Variants in KREMEN1 observed in about 807,000 individuals in gnomAD.
KREMEN1 encodes the protein kringle containing transmembrane protein 1, also known as kremen protein 1.
In KREMEN1, 30 loss-of-function variants were observed where a neutral mutation model predicts 46.5. The observed-to-expected ratio is 0.65, with a 90% CI of 0.48 to 0.88. The LOEUF (loss-of-function observed/expected upper bound fraction) is 0.88. Ranked by LOEUF, KREMEN1 falls within the 40% of genes least tolerant of loss-of-function variation. KREMEN1 has a pLI of 0.00. For synonymous variants in KREMEN1, 214 were observed against 230.6 expected, an observed-to-expected ratio of 0.93 and a Z score of 0.65; for missense variants, 533 against 596.9, an observed-to-expected ratio of 0.89 and a Z score of 1.11.
intron 4 of KREMEN1, among the ~76,000 whole-genome samples, chr22:29,124,588 G>C (rs111842100): frequency 3.3e-5 from 5 of 152,074 alleles, no homozygotes; most frequent in African/African-American, 1.2e-4. Context: ...CACCTCCAGG[G>C]TTCAAGCAAA....
chr22:29,131,554 ATATATATGTGTGTGTG>A (rs1569331118), intron 5 of KREMEN1, among the ~76,000 whole-genome samples: 1 of 73,238 alleles, frequency 1.4e-5, no homozygotes, highest in Non-Finnish European at 2.5e-5. Context: ...ATATATATAT[ATATATATGTGTGTGTG>A]TGTGTGTGTG....
chr22:29,160,068 G>T (rs966345601), intron 9 of KREMEN1, among the ~76,000 whole-genome samples: 1 of 151,978 alleles, frequency 6.6e-6, no homozygotes, highest in Admixed American at 6.6e-5. Context: ...GACATCTATG[G>T]AAAACTCCAC....
intron 3 of KREMEN1, among the ~76,000 whole-genome samples, chr22:29,104,525 A>G (rs1207305844): frequency 6.6e-6 from 1 of 152,222 alleles, no homozygotes; most frequent in African/African-American, 2.4e-5. Context: ...TTAAAGTTTT[A>G]GTTATTAAAC....
At position 29,145,728 on chromosome 22, in the gene KREMEN1, G is replaced by C. The variant is rs1388459703; in HGVS notation, c.*3616G>C. Reference sequence around the variant, plus strand: ...CCGCCCTGTCCCCCACGTCAGGACAGGCTTGAGGCCTCTCTGGGCGTGAGC... The same window carrying C: ...CCGCCCTGTCCCCCACGTCAGGACACGCTTGAGGCCTCTCTGGGCGTGAGC... On this transcript the variant is annotated 3_prime_UTR_variant, in exon 9 of 9. Transcript: ENST00000400335. 8.1e-6 allele frequency: 8 copies of C among 985,428 alleles called. No individual in the cohort carries two copies. The highest frequency in any genetic ancestry group is 9.6e-6 in the Non-Finnish European group (8 of 829,996). 61.0% of individuals were successfully genotyped at this position (985,428 alleles called of 1,614,324 possible). A position where few individuals can be genotyped will look rare whatever the true frequency, so the allele number is the denominator to read the frequency against.
chr22:29,124,855 G>A (rs1047458744), intron 4 of KREMEN1, among the ~76,000 whole-genome samples: 3 of 152,116 alleles, frequency 2.0e-5, no homozygotes, highest in African/African-American at 7.2e-5. Flanking sequence ...ATACTATATA[G>A]CAATGTAAAA....
chr22:29,102,877 GA>G (rs1434036122), intron 3 of KREMEN1, among the ~76,000 whole-genome samples: 1 of 152,156 alleles, frequency 6.6e-6, no homozygotes, highest in Non-Finnish European at 1.5e-5. Flanking sequence ...GGTTTCTGGG[GA>G]TAGAGGGTGG....
At chr22:29,086,406 CCT>C (rs2037729158) in intron 1 of KREMEN1, among the ~76,000 whole-genome samples, 3 of 152,128 alleles carry the variant, frequency 2.0e-5, no homozygotes, top group Admixed American at 1.3e-4. Flanking sequence ...CCTAAACTGT[CCT>C]CTCTCTATTC....
chr22:29,094,257 G>A lies in KREMEN1; in HGVS notation c.98-1G>A. On this transcript the variant is annotated splice_acceptor_variant, in intron 1 of 8. Transcript: ENST00000400335. LOFTEE classifies it high-confidence loss of function. ...TTTGCTCTGTCTTTTTTTTCTTCTAGAGTGTTTCACAGCCAATGGTGCGGA... is the reference window on the plus strand; with the variant it reads ...TTTGCTCTGTCTTTTTTTTCTTCTAAAGTGTTTCACAGCCAATGGTGCGGA... The A allele has an allele frequency of 6.3e-7, 1 of 1,596,492 alleles. No homozygotes were observed. Among genetic ancestry groups the A allele is most frequent in the Non-Finnish European group, 8.5e-7 (1 of 1,174,232 alleles).
intron 9 of KREMEN1, among the ~76,000 whole-genome samples, chr22:29,157,332 G>T (rs968444617): frequency 2.0e-5 from 3 of 152,102 alleles, no homozygotes; most frequent in Non-Finnish European, 2.9e-5. Flanking sequence ...GCCCCACCAT[G>T]ACTTTGTTTT....
chr22:29,097,361 G>A (rs2037897908), intron 2 of KREMEN1, among the ~76,000 whole-genome samples: 1 of 152,194 alleles, frequency 6.6e-6, no homozygotes, highest in Non-Finnish European at 1.5e-5. Context: ...AGACCTTAAA[G>A]CATGTATTTA....
chr22:29,099,621 G>A (rs2145773114), intron 3 of KREMEN1: 1 of 131,164 alleles, frequency 7.6e-6, no homozygotes, highest in South Asian at 2.3e-4. Flanking sequence ...CGTGATCTCA[G>A]TTCACTGCAA....
At position 29,131,758 on chromosome 22, in the gene KREMEN1, A is replaced by G. The variant is rs186920685; in HGVS notation, c.632-5584A>G. Among the ~76,000 whole-genome samples, 302 of 116,402 alleles carry G rather than the reference A, an allele frequency of 2.6e-3. 3 individuals are homozygous for G. The highest frequency in any genetic ancestry group is 3.8e-3 in the Middle Eastern group (1 of 264). The allele number at this position is 116,402 out of a possible 152,430, so 76.4% of individuals were successfully genotyped here. A position where few individuals can be genotyped will look rare whatever the true frequency, so the allele number is the denominator to read the frequency against. On this transcript the variant is annotated intron_variant, in intron 5 of 8. Transcript: ENST00000400335. ...TATGTGTATATATATGTATATATGT[A>G]TATATATATGTATATATATATATAG...
Position 29,146,103 on chromosome 22 carries a change from C to T in KREMEN1, c.*3991C>T. ...AGGCCAGGTCTCCCACGGAGCCGGG[C>T]AGCTCCACACCCCACCACCTGGCAC... On this transcript the variant is annotated 3_prime_UTR_variant, in exon 9 of 9. Transcript: ENST00000400335. The T allele has an allele frequency of 1.0e-6, 1 of 985,966 alleles. No homozygotes were observed. The highest frequency in any genetic ancestry group is 1.7e-5 in the African/African-American group (1 of 57,344). The allele number at this position is 985,966 out of a possible 1,614,324, so 61.1% of individuals were successfully genotyped here. A position where few individuals can be genotyped will look rare whatever the true frequency, so the allele number is the denominator to read the frequency against.
chr22:29,155,286 G>A (rs2145870782), intron 9 of KREMEN1, among the ~76,000 whole-genome samples: 1 of 152,300 alleles, frequency 6.6e-6, no homozygotes, highest in South Asian at 2.1e-4. Context: ...TGTAATCCCA[G>A]CACTTTGGGA....
In KREMEN1 at chr22:29,154,097, T is replaced by C. The variant is rs542598149; in HGVS notation, c.1416+11997T>C. Among the ~76,000 whole-genome samples the C allele has an allele frequency of 4.6e-5, 7 of 152,286 alleles. 1 individual carries two copies. In the South Asian group the frequency reaches 1.5e-3, roughly 32 times the overall value. ...TGGCCTGTGAGTCCTCAATACATTT[T>C]AACAATTTTTATCAGTAAACTCAGG... On this transcript the variant is annotated intron_variant, in intron 9 of 9. Coordinates refer to the KREMEN1 transcript ENST00000327813.
At chr22:29,146,881 G>C (rs1197573745), downstream of KREMEN1, 4 of 776,672 alleles carry the variant, frequency 5.2e-6, no homozygotes, top group African/African-American at 7.6e-5. Context: ...GACAAGCGGA[G>C]GGTGTCTGTG....
At chr22:29,084,529 T>C (rs1221104897) in intron 1 of KREMEN1, among the ~76,000 whole-genome samples, 1 of 152,184 alleles carries the variant, frequency 6.6e-6, no homozygotes, top group African/African-American at 2.4e-5. Flanking sequence ...TGGCATGTTT[T>C]CCAGGGGGCC....
chr22:29,124,532 G>A (rs1052231152), intron 4 of KREMEN1, among the ~76,000 whole-genome samples: 18 of 149,790 alleles, frequency 1.2e-4, no homozygotes, highest in South Asian at 2.1e-4. Context: ...TCACTGTGTT[G>A]CCCAGGCTGC....
chr22:29,147,502 G>C (rs1162848484), downstream of KREMEN1, among the ~76,000 whole-genome samples: 2 of 152,198 alleles, frequency 1.3e-5, no homozygotes, highest in Non-Finnish European at 2.9e-5. Flanking sequence ...CAGTAGCTGG[G>C]AGCACAGCCC....
Sources: allele counts gnomAD v4.1 joint callset (sites outside exome capture counted in the v4.1 genomes callset), GRCh38; gene constraint gnomAD v4.1.1; transcripts MANE v1.5; gene names NCBI Gene and HGNC (gene_info 2026-07-23, HGNC 2026-07-21).